Variants in KCNK10 observed in about 807,000 individuals in gnomAD.
KCNK10 encodes the protein potassium two pore domain channel subfamily K member 10.
A neutral mutation model predicts 47.7 loss-of-function variants in KCNK10; 25 were observed. That is an observed-to-expected ratio of 0.52 (90% CI 0.38 to 0.73). KCNK10 has a LOEUF of 0.73. Ranked by LOEUF, KCNK10 falls within the 30% of genes least tolerant of loss-of-function variation. The pLI is 0.00. For missense variants in KCNK10, 563 were observed against 714.5 expected (o/e 0.79, Z 2.42); for synonymous variants, 303 against 285.6 (o/e 1.06, Z -0.61).
intron 2 of KCNK10, among the ~76,000 whole-genome samples, chr14:88,251,862 G>T (rs1886808427): frequency 6.6e-6 from 1 of 152,150 alleles, no homozygotes; most frequent in South Asian, 2.1e-4. Context: ...ATGGCATGTT[G>T]CTTCCTCCCA....
rs141446547 is a variant in KCNK10, at chr14:88,225,254, C to T, written c.681+2121G>A. 3.6e-3 allele frequency among the ~76,000 whole-genome samples: 554 copies of T among 152,350 alleles called. 7 individuals are homozygous for T. The highest frequency in any genetic ancestry group is 0.012 in the African/African-American group (501 of 41,576). ...GTGTGCTTACATTCCCCCTGGAATT[C>T]GGTCACCCTTTCCAATAGCACCCTC... On this transcript the variant is annotated intron_variant, in intron 4 of 6. Coordinates refer to ENST00000319231, the MANE Select transcript of KCNK10 (RefSeq NM_138317.3).
rs150816337 is a variant in KCNK10 at position 88,318,550 on chromosome 14, G to A, written c.52+4197C>T. Among the ~76,000 whole-genome samples, 199 of 152,304 alleles carry A rather than the reference G, an allele frequency of 1.3e-3. 4 individuals are homozygous for A. In the East Asian group the frequency reaches 0.029, roughly 22 times the overall value. On this transcript the variant is annotated intron_variant, in intron 1 of 6. Transcript: ENST00000319231. Reference sequence around the variant, plus strand: ...ACAGGGAATCCCTTGCTAACAAGAGGACATCTGAGCTGAGATTCAAATGAC... The same window carrying A: ...ACAGGGAATCCCTTGCTAACAAGAGAACATCTGAGCTGAGATTCAAATGAC...
intron 5 of KCNK10, among the ~76,000 whole-genome samples, chr14:88,188,865 T>C (rs1319366408): frequency 1.3e-5 from 2 of 152,224 alleles, no homozygotes; most frequent in South Asian, 2.1e-4. Context: ...TTATTCTGAA[T>C]AATTAGCCTA....
intron 3 of KCNK10, among the ~76,000 whole-genome samples, chr14:88,237,850 T>C (rs6575001): frequency 0.22 from 33,460 of 152,120 alleles, 3,853 homozygotes; most frequent in East Asian, 0.39. Context: ...GGATGGTAAA[T>C]GAGCACTGGC....
intron 4 of KCNK10, among the ~76,000 whole-genome samples, chr14:88,221,995 G>A (rs10146904): frequency 7.2e-5 from 11 of 152,302 alleles, no homozygotes; most frequent in South Asian, 4.1e-4. Flanking sequence ...GTATAAGTCC[G>A]TTTTCACGCT....
intron 1 of KCNK10, among the ~76,000 whole-genome samples, chr14:88,286,361 A>T (rs1382575508): frequency 6.6e-6 from 1 of 152,170 alleles, no homozygotes; most frequent in Non-Finnish European, 1.5e-5. Flanking sequence ...GCTATGCAGC[A>T]ATCCCAACTT....
At position 88,274,818 on chromosome 14, in the gene KCNK10, G is replaced by C. The variant is rs753469073; in HGVS notation, c.53-11267C>G. Among the ~76,000 whole-genome samples, 69 of 152,268 alleles carry C rather than the reference G, an allele frequency of 4.5e-4. 2 individuals carry two copies. The highest frequency in any genetic ancestry group is 1.9e-4 in the East Asian group (1 of 5,172). ...AATGCATGCCCCCTGTGTGCCAGGA[G>C]TAGTACCAATCTCCACACCCCACAT... is the stretch of plus-strand genomic sequence containing the variant. On this transcript the variant is annotated intron_variant, in intron 1 of 6. Coordinates refer to ENST00000319231, the MANE Select transcript of KCNK10 (RefSeq NM_138317.3).
intron 1 of KCNK10, among the ~76,000 whole-genome samples, chr14:88,301,836 G>A (rs1031418145): frequency 5.9e-5 from 9 of 152,106 alleles, no homozygotes; most frequent in East Asian, 1.9e-4. Flanking sequence ...ATTTTATGCC[G>A]AGTGGAAAGA....
chr14:88,303,008 C>A lies in KCNK10; in HGVS notation c.52+19739G>T, dbSNP rs10134438. Among the ~76,000 whole-genome samples, 1,475 of 152,252 alleles carry A rather than the reference C, an allele frequency of 9.7e-3. 22 individuals are homozygous for A. Among genetic ancestry groups the A allele is most frequent in the African/African-American group, 0.033 (1,388 of 41,532 alleles). ...ATAAGGATAATACCATCCCCCTTTGCCAGGGATGAGTTTAGGGGGTGATAT... is the reference window on the plus strand; with the variant it reads ...ATAAGGATAATACCATCCCCCTTTGACAGGGATGAGTTTAGGGGGTGATAT... On this transcript the variant is annotated intron_variant, in intron 1 of 6. Coordinates refer to ENST00000319231, the MANE Select transcript of KCNK10 (RefSeq NM_138317.3).
intron 2 of KCNK10, among the ~76,000 whole-genome samples, chr14:88,259,356 T>C (rs1245753030): frequency 6.6e-6 from 1 of 152,222 alleles, no homozygotes; most frequent in Non-Finnish European, 1.5e-5. Flanking sequence ...AATCTGTAAG[T>C]CATAGTAGAT....
At chr14:88,285,204 C>T (rs1041089034) in intron 1 of KCNK10, among the ~76,000 whole-genome samples, 3 of 152,260 alleles carry the variant, frequency 2.0e-5, no homozygotes, top group African/African-American at 4.8e-5. Context: ...CTCTGCCTCC[C>T]GGATTCAAGC....
rs547367977 is a variant in KCNK10, at chr14:88,257,904, G to T, written c.402+5298C>A. ...TGTTGAACTGGATAATTCTTTGTGG[G>T]AGGGGGGGTCTATGCTGTGCATTGT... On this transcript the variant is annotated intron_variant, in intron 2 of 6. Coordinates refer to ENST00000319231, the MANE Select transcript of KCNK10 (RefSeq NM_138317.3). 2.0e-5 allele frequency among the ~76,000 whole-genome samples: 3 copies of T among 152,150 alleles called. No individual in the cohort carries two copies. In the South Asian group the frequency reaches 6.2e-4, roughly 32 times the overall value.
chr14:88,185,581 T>G lies in KCNK10; in HGVS notation c.1586A>C (p.Lys529Thr), dbSNP rs780169033. 1.7e-5 allele frequency: 28 copies of G among 1,613,974 alleles called. No homozygotes were observed. Among genetic ancestry groups the G allele is most frequent in the Non-Finnish European group, 2.3e-5 (27 of 1,179,996 alleles). Reference sequence around the variant, plus strand: ...TGAGTTGTTCTCCGGCTCCCGGTCTTTGGTGTCCGTGGGTATCATTCCGTT... The same window carrying G: ...TGAGTTGTTCTCCGGCTCCCGGTCTGTGGTGTCCGTGGGTATCATTCCGTT... ...LENGMIPTDT[K>T]DREPENNSLL... The change falls in exon 7 of 7, where the codon AAA becomes ACA. Residue 529 changes from lysine (K) to threonine (T), a missense_variant. Transcript: ENST00000319231. This position sits in a 1 kb window ranked among gnomAD's most constrained non-coding sequence, Gnocchi z 4.3.
intron 3 of KCNK10, among the ~76,000 whole-genome samples, chr14:88,230,355 C>T (rs1420330870): frequency 6.6e-6 from 1 of 152,204 alleles, no homozygotes; most frequent in East Asian, 1.9e-4. Flanking sequence ...CAAGGGCAAA[C>T]AGCCAAGGGG....
chr14:88,205,198 T>C (rs1397725985), intron 4 of KCNK10, among the ~76,000 whole-genome samples: 1 of 152,244 alleles, frequency 6.6e-6, no homozygotes, highest in Non-Finnish European at 1.5e-5. Context: ...AGCATTCCTC[T>C]ACATCTTCTC....
chr14:88,319,047 T>C (rs1323322205), intron 1 of KCNK10, among the ~76,000 whole-genome samples: 7 of 152,194 alleles, frequency 4.6e-5, no homozygotes, highest in Non-Finnish European at 1.0e-4. Flanking sequence ...AATTCTGCTA[T>C]GAAAGCTAAG....
chr14:88,259,791 G>A (rs891384004), intron 2 of KCNK10, among the ~76,000 whole-genome samples: 17 of 152,264 alleles, frequency 1.1e-4, no homozygotes, highest in Middle Eastern at 3.4e-3. Context: ...ATTCTGGAAA[G>A]TGTCTGATAT....
rs565135486 is a variant in KCNK10 at position 88,190,994 on chromosome 14, C to G, written c.868+1230G>C. ...AGGTGCAGTGGCTCACACCTGTAATCCCAGCACTTTGGCAGGCCGATCACA... is the reference window on the plus strand; with the variant it reads ...AGGTGCAGTGGCTCACACCTGTAATGCCAGCACTTTGGCAGGCCGATCACA... On this transcript the variant is annotated intron_variant, in intron 5 of 6. Coordinates refer to ENST00000319231, the MANE Select transcript of KCNK10 (RefSeq NM_138317.3). Among the ~76,000 whole-genome samples the G allele has an allele frequency of 5.3e-5, 8 of 152,220 alleles. No individual in the cohort carries two copies. The South Asian group carries it at 1.7e-3, about 32-fold the overall frequency.
At chr14:88,292,584 G>C (rs10139663) in intron 1 of KCNK10, among the ~76,000 whole-genome samples, 63,648 of 151,870 alleles carry the variant, frequency 0.42, 13,863 homozygotes, top group African/African-American at 0.53. Context: ...CTGCCGACCT[G>C]AGGTGATGTA....
Sources: allele counts gnomAD v4.1 joint callset (sites outside exome capture counted in the v4.1 genomes callset), GRCh38; gene constraint gnomAD v4.1.1; non-coding constraint Gnocchi (gnomAD v3.1); transcripts MANE v1.5; gene names NCBI Gene and HGNC (gene_info 2026-07-23, HGNC 2026-07-21).